Variants in GALNTL6 observed in about 807,000 individuals in gnomAD.
GALNTL6 encodes the protein polypeptide N-acetylgalactosaminyltransferase like 6.
GALNTL6 carries 46 observed loss-of-function variants against 73.7 expected under a neutral mutation model. That is an observed-to-expected ratio of 0.62 (90% confidence interval 0.49 to 0.80). GALNTL6 has a LOEUF of 0.80. Among genes scored for constraint, GALNTL6 ranks in the 30% least tolerant of loss-of-function variants. The pLI, the probability that GALNTL6 is intolerant of heterozygous loss-of-function variation, is 0.00. For synonymous variants in GALNTL6, 259 were observed against 263.7 expected, an observed-to-expected ratio of 0.98 and a Z score of 0.17; for missense variants, 604 against 755.0, an observed-to-expected ratio of 0.80 and a Z score of 2.34.
At chr4:172,373,897 G>C (rs1742923371) in intron 5 of GALNTL6, among the ~76,000 whole-genome samples, 1 of 152,166 alleles carries the variant, frequency 6.6e-6, no homozygotes, top group Non-Finnish European at 1.5e-5. Context: ...ACACTGAGAA[G>C]GCCGCGCCAG....
chr4:172,287,979 A>AT (rs1242926664), intron 3 of GALNTL6, among the ~76,000 whole-genome samples: 3 of 152,084 alleles, frequency 2.0e-5, no homozygotes, highest in African/African-American at 7.2e-5. Context: ...GTGAATATGG[A>AT]TTTTGCTTTC....
intron 5 of GALNTL6, among the ~76,000 whole-genome samples, chr4:172,553,939 A>G (rs547718898): frequency 1.1e-4 from 17 of 152,290 alleles, no homozygotes; most frequent in Admixed American, 3.3e-4. Context: ...ATGTAGCAGG[A>G]GGATCTCTTG....
chr4:171,831,418 T>C (rs969061789), intron 2 of GALNTL6, among the ~76,000 whole-genome samples: 2 of 152,068 alleles, frequency 1.3e-5, no homozygotes, highest in Non-Finnish European at 2.9e-5. Flanking sequence ...GAAATGATTC[T>C]ACAACTTTTC....
intron 2 of GALNTL6, among the ~76,000 whole-genome samples, chr4:171,975,788 G>A (rs1435697753): frequency 6.6e-6 from 1 of 151,978 alleles, no homozygotes; most frequent in Non-Finnish European, 1.5e-5. Flanking sequence ...ATAACTGTTA[G>A]TAACTAAAAT....
chr4:172,178,439 G>A (rs1214106992), intron 2 of GALNTL6, among the ~76,000 whole-genome samples: 4 of 151,886 alleles, frequency 2.6e-5, no homozygotes, highest in Non-Finnish European at 4.4e-5. Context: ...CCCCCAACAG[G>A]CTGCAGTGTG....
At chr4:171,927,688 T>A (rs1738031260) in intron 2 of GALNTL6, among the ~76,000 whole-genome samples, 1 of 152,110 alleles carries the variant, frequency 6.6e-6, no homozygotes, top group South Asian at 2.1e-4. Context: ...GTGGGGAATG[T>A]GAAAATCACA....
chr4:171,934,969 C>A (rs1738297734), intron 2 of GALNTL6, among the ~76,000 whole-genome samples: 1 of 152,112 alleles, frequency 6.6e-6, no homozygotes, highest in African/African-American at 2.4e-5. Flanking sequence ...TGATCCCAAA[C>A]CCTAGAGAGC....
intron 5 of GALNTL6, among the ~76,000 whole-genome samples, chr4:172,390,349 C>A (rs887614657): frequency 6.7e-6 from 1 of 148,754 alleles, no homozygotes; most frequent in Non-Finnish European, 1.5e-5. Context: ...TACAGTAATG[C>A]TCCCTTACTC....
intron 12 of GALNTL6, among the ~76,000 whole-genome samples, chr4:173,026,221 G>A (rs1309703844): frequency 1.3e-5 from 2 of 152,194 alleles, no homozygotes; most frequent in Non-Finnish European, 2.9e-5. Flanking sequence ...AAGTGAAATG[G>A]AGGAGATATC....
chr4:172,578,754 C>A (rs541942507), intron 5 of GALNTL6, among the ~76,000 whole-genome samples: 10 of 152,330 alleles, frequency 6.6e-5, no homozygotes, highest in African/African-American at 2.4e-4. Flanking sequence ...AGTCTTCTTA[C>A]ATTCTCACTT....
At chr4:172,042,107 C>A (rs898160536) in intron 2 of GALNTL6, among the ~76,000 whole-genome samples, 4 of 151,964 alleles carry the variant, frequency 2.6e-5, no homozygotes, top group African/African-American at 9.7e-5. Flanking sequence ...GCACTGATAC[C>A]CTGAACATTT....
intron 11 of GALNTL6, among the ~76,000 whole-genome samples, chr4:173,018,157 G>A (rs924364277): frequency 6.6e-6 from 1 of 152,158 alleles, no homozygotes; most frequent in Admixed American, 6.5e-5. Flanking sequence ...TATAGTACAA[G>A]GGAAATGTGC....
intron 3 of GALNTL6, among the ~76,000 whole-genome samples, chr4:172,267,783 A>G (rs540434023): frequency 9.9e-5 from 15 of 152,248 alleles, no homozygotes; most frequent in Admixed American, 9.2e-4. Context: ...TTTTTCTCCT[A>G]TGTGTAGCCT....
At chr4:172,486,914 A>T (rs765651750) in intron 5 of GALNTL6, among the ~76,000 whole-genome samples, 1 of 152,232 alleles carries the variant, frequency 6.6e-6, no homozygotes, top group Non-Finnish European at 1.5e-5. Flanking sequence ...ACTTGCTTCA[A>T]GCTGACTAAA....
rs890297861 is a variant in GALNTL6 at position 172,559,478 on chromosome 4, C to T, written c.553+210789C>T. ...AGATAATTTTTTTGCCATATCAAGA[C>T]CAGGCATTTTTCAGACATTATCATG... On this transcript the variant is annotated intron_variant, in intron 5 of 12. Transcript: ENST00000506823. 9.9e-5 allele frequency among the ~76,000 whole-genome samples: 15 copies of T among 152,128 alleles called. 1 individual carries two copies. The highest frequency in any genetic ancestry group is 9.6e-4 in the East Asian group (5 of 5,182).
At chr4:172,842,241 C>T (rs1743252278) in intron 7 of GALNTL6, among the ~76,000 whole-genome samples, 1 of 152,190 alleles carries the variant, frequency 6.6e-6, no homozygotes, top group African/African-American at 2.4e-5. Context: ...AATTTACCAT[C>T]TTTAGGATCC....
chr4:172,720,525 G>A (rs1735406053), intron 5 of GALNTL6, among the ~76,000 whole-genome samples: 2 of 152,140 alleles, frequency 1.3e-5, no homozygotes, highest in South Asian at 4.1e-4. Flanking sequence ...TATTCAAGAT[G>A]GAGTTGCTCT....
intron 6 of GALNTL6, among the ~76,000 whole-genome samples, chr4:172,811,280 G>A (rs148101197): frequency 4.6e-5 from 7 of 152,296 alleles, no homozygotes; most frequent in Non-Finnish European, 8.8e-5. Context: ...TAGTCATGCT[G>A]CTTTCAACCT....
At chr4:172,140,804 CAGG>C (rs992492106) in intron 2 of GALNTL6, among the ~76,000 whole-genome samples, 5 of 151,988 alleles carry the variant, frequency 3.3e-5, no homozygotes, top group African/African-American at 1.2e-4. Context: ...CCTGAACTGA[CAGG>C]AGTTTACTTG....
Sources: gnomAD v4.1 joint callset for allele counts (sites outside exome capture counted in the v4.1 genomes callset) on GRCh38, gnomAD v4.1.1 for gene constraint, MANE v1.5 for transcripts, NCBI Gene and HGNC (gene_info 2026-07-23, HGNC 2026-07-21) for gene names.